Variants in AOAH observed in about 807,000 individuals in gnomAD.
AOAH encodes acyloxyacyl hydrolase.
Under a neutral mutation model 92.2 loss-of-function variants are expected in AOAH, and 64 were observed. The ratio of observed to expected loss-of-function variants is 0.69; its 90% CI spans 0.57 to 0.86. AOAH has a LOEUF of 0.86. AOAH is among the 40% of genes least tolerant of loss of function. The pLI is 0.00. For synonymous variants in AOAH, 263 were observed against 254.5 expected (o/e 1.03, Z -0.32); for missense variants, 656 against 694.6 (o/e 0.94, Z 0.62).
intron 7 of AOAH, among the ~76,000 whole-genome samples, chr7:36,622,534 CCT>C (rs1437717631): frequency 1.3e-5 from 2 of 152,002 alleles, no homozygotes; most frequent in Non-Finnish European, 2.9e-5. Context: ...CAGGGAATAC[CCT>C]GACATTTTAA....
intron 5 of AOAH, 70 bp downstream of exon 5, chr7:36,637,781 G>A: frequency 7.0e-7 from 1 of 1,431,840 alleles, no homozygotes; most frequent in Non-Finnish European, 9.8e-7. Flanking sequence ...CCTTTGGGAT[G>A]TGAAAGCCGG....
chr7:36,568,033 CAT>C (rs1787835279), intron 13 of AOAH, among the ~76,000 whole-genome samples: 1 of 152,204 alleles, frequency 6.6e-6, no homozygotes, highest in African/African-American at 2.4e-5. Context: ...CACGTGTACA[CAT>C]GAGACCATCC....
chr7:36,683,998 AG>A (rs1454398149), intron 2 of AOAH, among the ~76,000 whole-genome samples: 1 of 152,104 alleles, frequency 6.6e-6, no homozygotes, highest in East Asian at 1.9e-4. Flanking sequence ...TGTCTCAAAA[AG>A]AAAAAAAAAA....
At chr7:36,607,179 G>A (rs1020928549) in intron 11 of AOAH, among the ~76,000 whole-genome samples, 5 of 152,182 alleles carry the variant, frequency 3.3e-5, no homozygotes, top group East Asian at 1.9e-4. Context: ...AGCTGGGATG[G>A]GGTCATGTAC....
At chr7:36,634,235 C>G (rs1190152955) in intron 5 of AOAH, among the ~76,000 whole-genome samples, 2 of 152,146 alleles carry the variant, frequency 1.3e-5, no homozygotes, top group Non-Finnish European at 2.9e-5. Context: ...AAGAAAGAAA[C>G]AGTAAAACCT....
intron 19 of AOAH, among the ~76,000 whole-genome samples, chr7:36,526,981 CT>C (rs950455059): frequency 6.6e-6 from 1 of 152,214 alleles, no homozygotes; most frequent in African/African-American, 2.4e-5. Flanking sequence ...TATATTTAAA[CT>C]GTCAGTGTAA....
At chr7:36,620,736 G>A (rs375770843) in intron 9 of AOAH, 45 bp downstream of exon 9, 23 of 1,590,508 alleles carry the variant, frequency 1.4e-5, no homozygotes, top group Non-Finnish European at 1.7e-5. Flanking sequence ...TTAGGGGAGG[G>A]AGGAACAAAG....
At chr7:36,696,138 T>A (rs1797694449) in intron 1 of AOAH, among the ~76,000 whole-genome samples, 1 of 152,226 alleles carries the variant, frequency 6.6e-6, no homozygotes, top group Non-Finnish European at 1.5e-5. Context: ...GTATCACTTG[T>A]CTGTGTCTGT....
chr7:36,543,058 C>T (rs994925341), intron 15 of AOAH, among the ~76,000 whole-genome samples: 6 of 152,082 alleles, frequency 3.9e-5, no homozygotes, highest in African/African-American at 7.2e-5. Flanking sequence ...TGTCATGGAT[C>T]GCTAGAGTCT....
chr7:36,720,174 G>T (rs563019192), intron 1 of AOAH, among the ~76,000 whole-genome samples: 4 of 151,684 alleles, frequency 2.6e-5, no homozygotes, highest in Non-Finnish European at 5.9e-5. Context: ...TTTTGAGATG[G>T]AGTCTCGCTC....
In AOAH at chr7:36,535,471, T is replaced by C. The variant is rs569596159; in HGVS notation, c.1307-3127A>G. On this transcript the variant is annotated intron_variant, in intron 16 of 20. Transcript: ENST00000617537. ...ATTCAGACGGAGGGAAAGTGCGTGA[T>C]AAAATAGAAACACCAAGGTATTTTA... Among the ~76,000 whole-genome samples, 14 of 152,352 alleles carry C rather than the reference T, an allele frequency of 9.2e-5. No individual in the cohort carries two copies. In the South Asian group the frequency reaches 2.9e-3, roughly 32 times the overall value.
chr7:36,513,486 C>G, intron 20 of AOAH, 106 bp from the exon 21 acceptor site: 1 of 1,076,414 alleles, frequency 9.3e-7, no homozygotes, highest in Non-Finnish European at 1.4e-6. Flanking sequence ...TAGGATGGCC[C>G]CATGACTCCC....
Position 36,724,112 on chromosome 7 carries a change from G to C in AOAH, c.37C>G (p.Leu13Val). 1 of 1,613,666 alleles carries C rather than the reference G, an allele frequency of 6.2e-7. No homozygotes were observed. The highest frequency in any genetic ancestry group is 8.5e-7 in the Non-Finnish European group (1 of 1,179,724). The change falls in exon 1 of 21, where the codon CTA (leucine) becomes GTA (valine). Residue 13 changes from leucine to valine, a missense_variant. Coordinates refer to ENST00000617537, the MANE Select transcript of AOAH (RefSeq NM_001637.4). ...SPWKILTVAP[L>V]FLLLSLQSSA... ...GACTGAAGAGACAGGAGCAAGAATA[G>C]AGGCGCCACCGTAAGGATTTTCCAG... is the stretch of plus-strand genomic sequence containing the variant.
At chr7:36,628,898 G>A (rs1337460194) in intron 6 of AOAH, among the ~76,000 whole-genome samples, 1 of 152,174 alleles carries the variant, frequency 6.6e-6, no homozygotes, top group Non-Finnish European at 1.5e-5. Context: ...TAAGAGTTGA[G>A]GGGTCAATGG....
intron 1 of AOAH, among the ~76,000 whole-genome samples, chr7:36,687,742 C>T (rs912952374): frequency 6.6e-6 from 1 of 152,114 alleles, no homozygotes; most frequent in Non-Finnish European, 1.5e-5. Flanking sequence ...CAGCAGTAGG[C>T]TCTTGATTGT....
intron 11 of AOAH, among the ~76,000 whole-genome samples, chr7:36,595,695 G>T (rs1364525509): frequency 6.6e-6 from 1 of 152,124 alleles, no homozygotes; most frequent in Non-Finnish European, 1.5e-5. Flanking sequence ...GCTCAAATTT[G>T]ACTGAGTATC....
At chr7:36,648,602 T>C (rs1230720543) in intron 4 of AOAH, among the ~76,000 whole-genome samples, 1 of 151,700 alleles carries the variant, frequency 6.6e-6, no homozygotes, top group African/African-American at 2.4e-5. Flanking sequence ...AAATTACAAA[T>C]ACAATTGCTC....
intron 1 of AOAH, among the ~76,000 whole-genome samples, chr7:36,702,682 G>A (rs1798100079): frequency 6.6e-6 from 1 of 152,302 alleles, no homozygotes; most frequent in African/African-American, 2.4e-5. Flanking sequence ...AAACTTGCTA[G>A]AGATCATCTG....
chr7:36,593,319 T>C (rs1198040959), intron 12 of AOAH, among the ~76,000 whole-genome samples: 1 of 152,244 alleles, frequency 6.6e-6, no homozygotes, highest in East Asian at 1.9e-4. Context: ...TCAAATAAAT[T>C]ATTCATGGCA....
Sources: allele counts gnomAD v4.1 joint callset (sites outside exome capture counted in the v4.1 genomes callset), GRCh38; gene constraint gnomAD v4.1.1; transcripts MANE v1.5; gene names NCBI Gene and HGNC (gene_info 2026-07-23, HGNC 2026-07-21).